UBE2H: variants seen among roughly 807,000 people sequenced by gnomAD.
The protein encoded by UBE2H is ubiquitin-conjugating enzyme E2 H.
Under a neutral mutation model 29.0 loss-of-function variants are expected in UBE2H, and 3 were observed. The observed-to-expected ratio is 0.10, with a 90% confidence interval of 0.05 to 0.27. UBE2H has a LOEUF of 0.27. UBE2H is among the 10% of genes least tolerant of loss of function. UBE2H has a pLI of 1.00. For synonymous variants in UBE2H, 69 were observed against 82.9 expected, an observed-to-expected ratio of 0.83 and a Z score of 0.91; for missense variants, 68 against 228.2, an observed-to-expected ratio of 0.30 and a Z score of 4.52.
chr7:129,855,556 C>T (rs1451172998), intron 5 of UBE2H, among the ~76,000 whole-genome samples: 2 of 152,204 alleles, frequency 1.3e-5, no homozygotes, highest in African/African-American at 2.4e-5. Context: ...GATTAATTCA[C>T]TCATTAAGAC....
chr7:129,885,428 T>C (rs187452107), intron 1 of UBE2H, among the ~76,000 whole-genome samples: 6 of 152,360 alleles, frequency 3.9e-5, no homozygotes, highest in East Asian at 3.9e-4. Flanking sequence ...CTTGTGGATG[T>C]TGCTTCTGGG....
At chr7:129,912,122 CCCT>C (rs909380822) in intron 1 of UBE2H, among the ~76,000 whole-genome samples, 3 of 152,274 alleles carry the variant, frequency 2.0e-5, no homozygotes, top group Admixed American at 6.5e-5. Flanking sequence ...AGGGCCCACC[CCCT>C]GTTTTTGTAA....
At chr7:129,918,995 G>A (rs1807099648) in intron 1 of UBE2H, among the ~76,000 whole-genome samples, 1 of 150,828 alleles carries the variant, frequency 6.6e-6, no homozygotes, top group Admixed American at 6.7e-5. Context: ...GAGGTAGAAG[G>A]ATCACTTGAG....
intron 1 of UBE2H, among the ~76,000 whole-genome samples, chr7:129,893,366 A>G (rs182553926): frequency 4.4e-4 from 67 of 152,328 alleles, no homozygotes; most frequent in African/African-American, 1.5e-3. Flanking sequence ...AGAGTAAAAA[A>G]TTTTCAAAGA....
At chr7:129,933,617 A>G (rs1023417914) in intron 1 of UBE2H, among the ~76,000 whole-genome samples, 1 of 151,338 alleles carries the variant, frequency 6.6e-6, no homozygotes, top group African/African-American at 2.4e-5. Context: ...AATGAACACT[A>G]CATAAAAAGG....
chr7:129,876,706 G>C (rs1230305755), intron 3 of UBE2H, among the ~76,000 whole-genome samples: 1 of 152,036 alleles, frequency 6.6e-6, no homozygotes, highest in Non-Finnish European at 1.5e-5. Context: ...TGAAACAGAA[G>C]TAAAATTCCA....
chr7:129,912,214 T>C (rs1806951385), intron 1 of UBE2H, among the ~76,000 whole-genome samples: 1 of 152,176 alleles, frequency 6.6e-6, no homozygotes, highest in African/African-American at 2.4e-5. Context: ...ACAGCAGAGT[T>C]GAATAGTTGC....
intron 1 of UBE2H, among the ~76,000 whole-genome samples, chr7:129,908,674 C>T (rs1437686154): frequency 6.6e-6 from 1 of 152,206 alleles, no homozygotes; most frequent in African/African-American, 2.4e-5. Flanking sequence ...AATCTAAAAA[C>T]CAGCAAAGCA....
At chr7:129,921,594 G>A (rs1242779112) in intron 1 of UBE2H, among the ~76,000 whole-genome samples, 1 of 151,046 alleles carries the variant, frequency 6.6e-6, no homozygotes, top group Non-Finnish European at 1.5e-5. Flanking sequence ...AGCTACTTGG[G>A]AGGCTGAGGC....
intron 1 of UBE2H, among the ~76,000 whole-genome samples, chr7:129,922,795 C>T (rs1181688946): frequency 6.6e-6 from 1 of 152,138 alleles, no homozygotes; most frequent in Non-Finnish European, 1.5e-5. Flanking sequence ...GCTATATTGC[C>T]CAGACTGACT....
At chr7:129,950,887 GC>G (rs1337983609) in intron 1 of UBE2H, among the ~76,000 whole-genome samples, 1 of 152,148 alleles carries the variant, frequency 6.6e-6, no homozygotes, top group Non-Finnish European at 1.5e-5. Context: ...GCCACAAACA[GC>G]TCATAAAGAG....
At chr7:129,931,734 T>C (rs1807404828) in intron 1 of UBE2H, among the ~76,000 whole-genome samples, 1 of 152,158 alleles carries the variant, frequency 6.6e-6, no homozygotes, top group South Asian at 2.1e-4. Flanking sequence ...AATGCCAAAA[T>C]TGACAAGCAG....
At chr7:129,946,356 G>A (rs952617959) in intron 1 of UBE2H, among the ~76,000 whole-genome samples, 38 of 152,054 alleles carry the variant, frequency 2.5e-4, no homozygotes, top group African/African-American at 8.5e-4. Context: ...ACCGCGCCCG[G>A]CCCCTAGTCA....
Position 129,952,667 on chromosome 7 carries a change from CGCGGTCCCG to C in UBE2H, c.-121_-113del. On this transcript the variant is annotated 5_prime_UTR_variant, in exon 1 of 7. Transcript: ENST00000355621. The stretch of plus-strand genomic sequence containing the variant: ...TCCTCGGTGGAGGTGGCAACACCCC[CGCGGTCCCG>C]GCGGTCCCGTCAGCCGCCGCCGCCG... 1 of 1,315,472 alleles carries C rather than the reference CGCGGTCCCG, an allele frequency of 7.6e-7. No homozygotes were observed. Among genetic ancestry groups the C allele is most frequent in the South Asian group, 1.5e-5 (1 of 66,964 alleles). The allele number at this position is 1,315,472 out of a possible 1,614,324, so 81.5% of individuals were successfully genotyped here.
intron 1 of UBE2H, among the ~76,000 whole-genome samples, chr7:129,933,084 GT>G (rs1239284131): frequency 1.3e-5 from 2 of 151,980 alleles, no homozygotes; most frequent in Non-Finnish European, 2.9e-5. Flanking sequence ...TAAACTTCAG[GT>G]TTTGCATCTG....
intron 3 of UBE2H, among the ~76,000 whole-genome samples, chr7:129,875,616 A>G (rs1347763758): frequency 6.6e-6 from 1 of 152,214 alleles, no homozygotes; most frequent in Admixed American, 6.5e-5. Flanking sequence ...GACAAATCAT[A>G]TACTGTACTT....
At chr7:129,938,412 T>TC (rs1260639120) in intron 1 of UBE2H, among the ~76,000 whole-genome samples, 1 of 9,360 alleles carries the variant, frequency 1.1e-4, no homozygotes, top group African/African-American at 2.6e-4. Flanking sequence ...ACTGCCTCAT[T>TC]CAAAAAAAAA....
At chr7:129,883,290 A>T (rs992929852) in intron 1 of UBE2H, among the ~76,000 whole-genome samples, 1 of 152,204 alleles carries the variant, frequency 6.6e-6, no homozygotes, top group Non-Finnish European at 1.5e-5. Context: ...TGCTGGTGAG[A>T]GTGTGATATG....
At chr7:129,936,926 C>T (rs140534524) in intron 1 of UBE2H, among the ~76,000 whole-genome samples, 4 of 151,460 alleles carry the variant, frequency 2.6e-5, no homozygotes, top group East Asian at 3.9e-4. Context: ...TGCAGTGAGC[C>T]GAGATCACGC....
Sources: allele counts gnomAD v4.1 joint callset (sites outside exome capture counted in the v4.1 genomes callset), GRCh38; gene constraint gnomAD v4.1.1; transcripts MANE v1.5; gene names NCBI Gene and HGNC (gene_info 2026-07-23, HGNC 2026-07-21).